Variants in LRP2 observed in about 807,000 individuals in gnomAD.
The protein encoded by LRP2 is low-density lipoprotein receptor-related protein 2.
LRP2 carries 172 observed loss-of-function variants against 531.0 expected under a neutral mutation model. That is an observed-to-expected ratio of 0.32 (90% CI 0.29 to 0.37). The LOEUF (loss-of-function observed/expected upper bound fraction) is 0.37, where lower values mean the gene tolerates loss of function less well. Ranked by LOEUF, LRP2 falls within the 10% of genes least tolerant of loss-of-function variation. LRP2 has a pLI of 1.00. For synonymous variants in LRP2, 1,992 were observed against 2,027.6 expected (o/e 0.98, Z 0.47); for missense variants, 5,167 against 5,868.3 (o/e 0.88, Z 3.90).
At chr2:169,216,210 C>G in intron 35 of LRP2, 43 bp downstream of exon 35, 2 of 1,600,878 alleles carry the variant, frequency 1.2e-6, no homozygotes, top group South Asian at 2.2e-5. Flanking sequence ...ATCAGCTACA[C>G]CAGCTCAGCA....
At chr2:169,168,466 A>C in intron 61 of LRP2, 73 bp downstream of exon 61, 1 of 1,580,058 alleles carries the variant, frequency 6.3e-7, no homozygotes, top group Non-Finnish European at 8.7e-7. Context: ...CCAGGCTCAC[A>C]TGCTACACGT....
intron 34 of LRP2, among the ~76,000 whole-genome samples, chr2:169,219,229 T>C (rs901593195): frequency 3.3e-5 from 5 of 152,220 alleles, no homozygotes; most frequent in Admixed American, 6.5e-5. Flanking sequence ...ATGTCATCCT[T>C]ATTTGAAACA....
In LRP2 at chr2:169,198,712, G is replaced by A. The variant is rs192579081; in HGVS notation, c.8578+74C>T. 238 of 1,560,076 alleles carry A rather than the reference G, an allele frequency of 1.5e-4. No homozygotes were observed. In the African/African-American group the frequency reaches 2.0e-3, roughly 13 times the overall value. ...AATTGAAATCAGCCCGAATACCCAC[G>A]CTTCATATCTTTGTATTAGCTCACA... On this transcript the variant is annotated intron_variant, in intron 45 of 78. Coordinates refer to ENST00000649046, the MANE Select transcript of LRP2 (RefSeq NM_004525.3).
In LRP2 at chr2:169,237,133, G is replaced by A. The variant is rs1217511098; in HGVS notation, c.4661C>T (p.Pro1554Leu). The A allele has an allele frequency of 6.2e-7, 1 of 1,613,832 alleles. No homozygotes were observed. Among genetic ancestry groups the A allele is most frequent in the Non-Finnish European group, 8.5e-7 (1 of 1,179,876 alleles). The change falls in exon 28 of 79, where the codon CCA becomes CTA. Residue 1554 changes from proline (P) to leucine (L), a missense_variant. Transcript: ENST00000649046. ...TCTGGGATCTAATGCTAGTCCTCTT[G>A]GATTTGTTAGGTTTTTACTAATCAG... ...TVLISKNLTN[P>L]RGLALDPRMN...
At chr2:169,299,023 A>G (rs1025775516) in intron 4 of LRP2, among the ~76,000 whole-genome samples, 1 of 151,218 alleles carries the variant, frequency 6.6e-6, no homozygotes, top group Non-Finnish European at 1.5e-5. Flanking sequence ...AAAGTTATAT[A>G]AAACCAGATT....
intron 48 of LRP2, among the ~76,000 whole-genome samples, chr2:169,189,599 T>C (rs563492184): frequency 6.6e-6 from 1 of 152,178 alleles, no homozygotes; most frequent in Non-Finnish European, 1.5e-5. Flanking sequence ...ATCCATGTTT[T>C]TCAGCAGCAT....
rs781066641 is a variant in LRP2 at position 169,176,569 on chromosome 2, G to A, written c.10413C>T (p.Thr3471=). The A allele has an allele frequency of 4.8e-5, 77 of 1,613,970 alleles. No homozygotes were observed. Among genetic ancestry groups the A allele is most frequent in the Non-Finnish European group, 6.3e-5 (74 of 1,180,020 alleles). The change falls in exon 54 of 79, where the codon ACC becomes ACT. Residue 3471 remains threonine, a synonymous_variant. Transcript: ENST00000649046. ...AGAGATGAGAACAGCCACCATTGTT[G>A]GTACCACAGGGATTGCTCACTAGTG... ...RQPIVSNPCG[T]NNGGCSHLCL... is the part of the protein sequence containing the mutation.
rs568391754 is a variant in LRP2 at position 169,183,758 on chromosome 2, C to A, written c.9846-1439G>T. 6.6e-5 allele frequency among the ~76,000 whole-genome samples: 10 copies of A among 152,244 alleles called. No homozygotes were observed. The East Asian group carries it at 1.4e-3, about 21-fold the overall frequency. ...AGAGCCAACAGTATCTTCCAATGTG[C>A]GTAATGGTGGTTTAAAAAGTTATAT... On this transcript the variant is annotated intron_variant, in intron 50 of 78. Coordinates refer to ENST00000649046, the MANE Select transcript of LRP2 (RefSeq NM_004525.3).
chr2:169,345,602 A>G (rs1056581683), intron 1 of LRP2, among the ~76,000 whole-genome samples: 2 of 152,102 alleles, frequency 1.3e-5, no homozygotes, highest in African/African-American at 4.8e-5. Flanking sequence ...ACATGCACTA[A>G]CATTTACAGA....
At position 169,207,115 on chromosome 2, in the gene LRP2, C is replaced by T. The variant is rs1378065432; in HGVS notation, c.6605G>A (p.Arg2202Lys). Residue 2202 changes from arginine to lysine, a missense_variant, in exon 39 of 79, where the codon AGA (arginine) becomes AAA (lysine). By Grantham distance (26) the Arg-to-Lys change is conservative. Coordinates refer to ENST00000649046, the MANE Select transcript of LRP2 (RefSeq NM_004525.3). Reference sequence around the variant, plus strand: ...CCCATAGTCAGCCCAGAAGAGGTATCTGTTCTTGGGATCTACAACAATATG... The same window carrying T: ...CCCATAGTCAGCCCAGAAGAGGTATTTGTTCTTGGGATCTACAACAATATG... ...PRHIVVDPKN[R>K]YLFWADYGQR... The T allele has an allele frequency of 1.2e-6, 2 of 1,612,176 alleles. No individual in the cohort carries two copies.
intron 71 of LRP2, 135 bp from the exon 72 acceptor site, chr2:169,140,680 C>T (rs929790453): frequency 4.6e-6 from 3 of 649,780 alleles, no homozygotes; most frequent in Non-Finnish European, 8.3e-6. Context: ...AGCTTACCTT[C>T]CCCCTAAGTC....
At chr2:169,270,818 G>T in intron 16 of LRP2, 86 bp downstream of exon 16, 1 of 754,964 alleles carries the variant, frequency 1.3e-6, no homozygotes, top group Non-Finnish European at 2.1e-6. Context: ...TAGATACTGA[G>T]TTTTAATTAT....
At chr2:169,228,348 G>T (rs999485902) in intron 31 of LRP2, among the ~76,000 whole-genome samples, 1 of 150,930 alleles carries the variant, frequency 6.6e-6, no homozygotes, top group African/African-American at 2.4e-5. Context: ...ATGAGTTTCA[G>T]CTGTACCAAG....
At position 169,191,989 on chromosome 2, in the gene LRP2, T is replaced by C; in HGVS notation, c.8875A>G (p.Arg2959Gly). ...SDSEFLCVND[R>G]PPDRRCIPQS... ...GGAATGCACCTCCTGTCCGGAGGTC[T>C]GTCATTTACACAGAGAAACTCGGAA... is the stretch of plus-strand genomic sequence containing the variant. Residue 2959 changes from arginine to glycine, a missense_variant, in exon 48 of 79, where the codon AGA (arginine) becomes GGA (glycine). Transcript: ENST00000649046. 6.2e-7 allele frequency: 1 copy of C among 1,614,128 alleles called. No homozygotes were observed.
rs558563996 is a variant in LRP2, at chr2:169,187,401, C to T, written c.9328+569G>A. Among the ~76,000 whole-genome samples, 13 of 152,244 alleles carry T rather than the reference C, an allele frequency of 8.5e-5. 1 individual carries two copies. The South Asian group carries it at 2.1e-3, about 24-fold the overall frequency. On this transcript the variant is annotated intron_variant, in intron 49 of 78. Transcript: ENST00000649046. ...GGATATGGTCTCTAAATTGTTATTA[C>T]AGAGACAATATCAACATACATGAAA...
At chr2:169,328,426 G>A (rs1347591308) in intron 1 of LRP2, among the ~76,000 whole-genome samples, 2 of 112,278 alleles carry the variant, frequency 1.8e-5, no homozygotes, top group South Asian at 3.0e-4. Context: ...ACAGCTCATT[G>A]AGAACGGGCC....
intron 29 of LRP2, among the ~76,000 whole-genome samples, chr2:169,234,278 C>T (rs1574161800): frequency 6.6e-6 from 1 of 152,232 alleles, no homozygotes; most frequent in South Asian, 2.1e-4. Flanking sequence ...GATATTTGTC[C>T]TAATGCTCTC....
intron 59 of LRP2, 57 bp from the exon 60 acceptor site, chr2:169,169,875 G>C (rs903484670): frequency 3.4e-6 from 4 of 1,172,892 alleles, no homozygotes; most frequent in Middle Eastern, 1.9e-4. Flanking sequence ...ACAGATATTA[G>C]GTACCTGGAG....
chr2:169,160,682 T>TAAA (rs781574242), intron 63 of LRP2, among the ~76,000 whole-genome samples: 1 of 52,812 alleles, frequency 1.9e-5, no homozygotes, highest in Non-Finnish European at 3.6e-5. Context: ...CTTATTTCCT[T>TAAA]AAAAAAAAAA....
Sources: allele counts gnomAD v4.1 joint callset (sites outside exome capture counted in the v4.1 genomes callset), GRCh38; gene constraint gnomAD v4.1.1; transcripts MANE v1.5; gene names NCBI Gene and HGNC (gene_info 2026-07-23, HGNC 2026-07-21).